CEP63: variants seen among roughly 807,000 people sequenced by gnomAD.
CEP63 encodes centrosomal protein 63.
Under a neutral mutation model 89.1 loss-of-function variants are expected in CEP63, and 84 were observed. The observed-to-expected ratio is 0.94, with a 90% confidence interval of 0.79 to 1.13. The LOEUF is 1.13. Ranked by LOEUF, CEP63 falls within the 50% of genes most tolerant of loss-of-function variation. The pLI is 0.00. For synonymous variants in CEP63, 267 were observed against 272.5 expected, an observed-to-expected ratio of 0.98 and a Z score of 0.20; for missense variants, 838 against 813.3, an observed-to-expected ratio of 1.03 and a Z score of -0.37.
At chr3:134,588,540 A>C (rs909813062), downstream of CEP63, among the ~76,000 whole-genome samples, 1 of 152,210 alleles carries the variant, frequency 6.6e-6, no homozygotes, top group Non-Finnish European at 1.5e-5. Context: ...CTGAATGATC[A>C]TGAAATGACT....
rs199930556 is a variant in CEP63 at position 134,557,376 on chromosome 3, G to GTTT, written c.1468-740_1468-738dup. ...CTTGACCAGCTTACTTTCATAATTTGTTTTTTTTTTTTTTTTTTTTTTTTT... is the reference window on the plus strand; with the variant it reads ...CTTGACCAGCTTACTTTCATAATTTGTTTTTTTTTTTTTTTTTTTTTTTTTTTT... On this transcript the variant is annotated intron_variant, in intron 12 of 14. Transcript: ENST00000675561. 1.0e-3 allele frequency among the ~76,000 whole-genome samples: 104 copies of GTTT among 101,478 alleles called. 16 individuals carry two copies. The highest frequency in any genetic ancestry group is 4.4e-3 in the African/African-American group (89 of 20,302). The allele number at this position is 101,478 out of a possible 152,430, so 66.6% of individuals were successfully genotyped here. A position where few individuals can be genotyped will look rare whatever the true frequency, so the allele number is the denominator to read the frequency against.
chr3:134,671,636 T>G, the CEP63 span, among the ~76,000 whole-genome samples: 1 of 152,230 alleles, frequency 6.6e-6, no homozygotes, highest in East Asian at 1.9e-4. Context: ...ATAATAAATG[T>G]GCAAAGACAT....
the CEP63 span, among the ~76,000 whole-genome samples, chr3:134,770,301 C>G: frequency 1.3e-5 from 2 of 152,228 alleles, no homozygotes; most frequent in African/African-American, 2.4e-5. Context: ...CCAGGTGATT[C>G]TGAGGTAGCC....
At chr3:134,493,795 AGTT>A (rs1938605354) in intron 1 of CEP63, among the ~76,000 whole-genome samples, 1 of 152,172 alleles carries the variant, frequency 6.6e-6, no homozygotes, top group Admixed American at 6.5e-5. Flanking sequence ...CTATATATCT[AGTT>A]GTTAGTACAA....
At chr3:134,645,772 A>C in the CEP63 span, among the ~76,000 whole-genome samples, 2 of 152,180 alleles carry the variant, frequency 1.3e-5, no homozygotes, top group African/African-American at 4.8e-5. Context: ...GTCATCTTCT[A>C]TCAGCTGACA....
At chr3:134,603,578 C>A in the CEP63 span, 1 of 1,570,460 alleles carries the variant, frequency 6.4e-7, no homozygotes, top group Admixed American at 1.7e-5. Context: ...GGGCACAGCC[C>A]TCACTGGGCA....
chr3:134,650,450 G>C, the CEP63 span, among the ~76,000 whole-genome samples: 66 of 152,300 alleles, frequency 4.3e-4, no homozygotes, highest in East Asian at 1.6e-3. Flanking sequence ...TGTGCTGTGG[G>C]GGGGAGCAGG....
intron 6 of CEP63, among the ~76,000 whole-genome samples, chr3:134,538,735 T>C (rs1244506804): frequency 2.6e-5 from 4 of 151,566 alleles, no homozygotes; most frequent in East Asian, 1.9e-4. Context: ...TGTTATATTC[T>C]AGTTGTAGCC....
At chr3:134,741,045 T>G in the CEP63 span, among the ~76,000 whole-genome samples, 3 of 152,170 alleles carry the variant, frequency 2.0e-5, no homozygotes, top group African/African-American at 7.2e-5. Context: ...TGGGGGAGTG[T>G]AAGCTGAGGG....
chr3:134,585,816 T>G (rs1425868972), intron 10 of CEP63, among the ~76,000 whole-genome samples: 7 of 152,288 alleles, frequency 4.6e-5, no homozygotes, highest in Admixed American at 3.9e-4. Flanking sequence ...ATTATTATTG[T>G]GTGGGAGTCT....
the CEP63 span, among the ~76,000 whole-genome samples, chr3:134,689,434 G>T: frequency 2.4e-5 from 3 of 125,576 alleles, no homozygotes; most frequent in Non-Finnish European, 5.4e-5. Context: ...ATAATGTAAA[G>T]GACCTTATTT....
chr3:134,677,640 G>T, the CEP63 span, among the ~76,000 whole-genome samples: 4 of 152,078 alleles, frequency 2.6e-5, no homozygotes, highest in Non-Finnish European at 5.9e-5. Context: ...TTAGGGTGAG[G>T]GTTAACCCTA....
chr3:134,728,291 G>A, the CEP63 span, among the ~76,000 whole-genome samples: 1 of 152,116 alleles, frequency 6.6e-6, no homozygotes, highest in Non-Finnish European at 1.5e-5. Context: ...AGGCAAATTG[G>A]AAATGTGATT....
chr3:134,677,354 CG>C, the CEP63 span, among the ~76,000 whole-genome samples: 1 of 152,238 alleles, frequency 6.6e-6, no homozygotes, highest in Non-Finnish European at 1.5e-5. Flanking sequence ...TTGCTGTTTC[CG>C]TTTCCATGTG....
the CEP63 span, among the ~76,000 whole-genome samples, chr3:134,781,490 G>A: frequency 1.3e-5 from 2 of 152,330 alleles, no homozygotes; most frequent in South Asian, 4.1e-4. Flanking sequence ...AACAGACACT[G>A]GGGACGGCTT....
the CEP63 span, among the ~76,000 whole-genome samples, chr3:134,630,231 T>TC: frequency 6.6e-6 from 1 of 152,274 alleles, no homozygotes; most frequent in East Asian, 1.9e-4. Flanking sequence ...TTGTTGTTTT[T>TC]CCCCCACTTT....
chr3:134,535,421 C>T (rs1427107062), intron 5 of CEP63: 2 of 151,722 alleles, frequency 1.3e-5, no homozygotes, highest in South Asian at 2.1e-4. Flanking sequence ...ACATTTCTCT[C>T]ATTTTTTCCT....
At chr3:134,652,443 C>T in the CEP63 span, among the ~76,000 whole-genome samples, 18 of 150,278 alleles carry the variant, frequency 1.2e-4, no homozygotes, top group Non-Finnish European at 2.2e-4. Flanking sequence ...GCATTACCAG[C>T]GCCCCCCCCC....
chr3:134,711,781 G>C, the CEP63 span, among the ~76,000 whole-genome samples: 4 of 114,404 alleles, frequency 3.5e-5, no homozygotes, highest in African/African-American at 1.4e-4. Context: ...TTTTTTTTTT[G>C]AGACAGAGTC....
Sources: allele counts gnomAD v4.1 joint callset (sites outside exome capture counted in the v4.1 genomes callset), GRCh38; gene constraint gnomAD v4.1.1; transcripts MANE v1.5; gene names NCBI Gene and HGNC (gene_info 2026-07-23, HGNC 2026-07-21).